The following TNR variants were observed in gnomAD, a reference collection of about 807,000 sequenced individuals.
The protein encoded by TNR is tenascin R, also known as tenascin-R.
TNR carries 45 observed loss-of-function variants against 150.4 expected under a neutral mutation model. The ratio of observed to expected loss-of-function variants is 0.30; its 90% CI spans 0.24 to 0.38. The LOEUF (loss-of-function observed/expected upper bound fraction) is 0.38. TNR is among the 10% of genes least tolerant of loss of function. The pLI, the probability that TNR is intolerant of heterozygous loss-of-function variation, is 1.00. For synonymous variants in TNR, 687 were observed against 678.4 expected (o/e 1.01, Z -0.20); for missense variants, 1,544 against 1,759.1 (o/e 0.88, Z 2.19).
rs1162851460 is a variant in TNR at position 175,341,517 on chromosome 1, A to G, written c.3383-3838T>C. 2.6e-5 allele frequency among the ~76,000 whole-genome samples: 4 copies of G among 152,284 alleles called. No homozygotes were observed. In the East Asian group the frequency reaches 7.7e-4, roughly 29 times the overall value. ...TGCTCTGAAATTGGTTTGTTTTGGG[A>G]AGTGGAGGCTGAATGCTGAGTGGAG... On this transcript the variant is annotated intron_variant, in intron 18 of 22. Transcript: ENST00000367674.
intron 18 of TNR, among the ~76,000 whole-genome samples, chr1:175,348,265 C>A (rs1650893387): frequency 6.6e-6 from 1 of 152,052 alleles, no homozygotes; most frequent in Non-Finnish European, 1.5e-5. Flanking sequence ...ATGATTTGAA[C>A]AAAGGAAGAT....
chr1:175,712,040 A>G (rs755506912), intron 1 of TNR, among the ~76,000 whole-genome samples: 7 of 152,128 alleles, frequency 4.6e-5, no homozygotes, highest in Non-Finnish European at 8.8e-5. Context: ...CTCTATAATA[A>G]CAATAATAAA....
At chr1:175,586,360 T>TA (rs1375727731) in intron 1 of TNR, among the ~76,000 whole-genome samples, 1 of 152,172 alleles carries the variant, frequency 6.6e-6, no homozygotes, top group Non-Finnish European at 1.5e-5. Context: ...CAACTTTCCT[T>TA]ATACTTTTTT....
chr1:175,506,229 T>C (rs1424131568), intron 2 of TNR, among the ~76,000 whole-genome samples: 2 of 152,240 alleles, frequency 1.3e-5, no homozygotes, highest in African/African-American at 2.4e-5. Context: ...CAAAACACTT[T>C]TAAAAAGGTG....
At chr1:175,660,486 T>C (rs1320320409) in intron 1 of TNR, among the ~76,000 whole-genome samples, 1 of 152,236 alleles carries the variant, frequency 6.6e-6, no homozygotes, top group African/African-American at 2.4e-5. Context: ...TCCTCTCATC[T>C]TTCTGTGTGC....
intron 2 of TNR, among the ~76,000 whole-genome samples, chr1:175,498,810 T>A (rs114907233): frequency 0.015 from 2,236 of 152,328 alleles, 34 homozygotes; most frequent in Middle Eastern, 0.037. Context: ...GCTGCTTATC[T>A]GGTATGGTCA....
chr1:175,664,809 G>A (rs1421780183), intron 1 of TNR, among the ~76,000 whole-genome samples: 1 of 152,186 alleles, frequency 6.6e-6, no homozygotes, highest in Non-Finnish European at 1.5e-5. Flanking sequence ...AAAAATCAAA[G>A]GCAGAAGAGG....
Position 175,359,633 on chromosome 1 carries a change from T to G in TNR, c.2953A>C (p.Ile985Leu). The G allele has an allele frequency of 6.2e-7, 1 of 1,613,674 alleles. No homozygotes were observed. Among genetic ancestry groups the G allele is most frequent in the Non-Finnish European group, 8.5e-7 (1 of 1,179,802 alleles). The change falls in exon 15 of 23, where the codon ATT (isoleucine) becomes CTT (leucine). Residue 985 changes from isoleucine (I) to leucine (L), a missense_variant. Transcript: ENST00000367674. The part of the protein sequence containing the change: ...APVGEVENYV[I>L]VLTHFAVAGE... ...CCACCTGCAAAGTGTGTAAGAACAA[T>G]GACGTAGTTCTCCACCTCACCCACT...
chr1:175,475,231 A>C (rs1657494900), intron 2 of TNR, among the ~76,000 whole-genome samples: 1 of 152,022 alleles, frequency 6.6e-6, no homozygotes, highest in Non-Finnish European at 1.5e-5. Flanking sequence ...CATATCTTTC[A>C]TCTGGTCTCC....
At chr1:175,514,714 G>A (rs1236053616) in intron 2 of TNR, among the ~76,000 whole-genome samples, 1 of 152,216 alleles carries the variant, frequency 6.6e-6, no homozygotes, top group Non-Finnish European at 1.5e-5. Context: ...TTGATTTTAA[G>A]TTAAGTGAGC....
chr1:175,445,304 A>G (rs1176960324), intron 2 of TNR, among the ~76,000 whole-genome samples: 1 of 152,188 alleles, frequency 6.6e-6, no homozygotes, highest in Non-Finnish European at 1.5e-5. Flanking sequence ...AGCCTGAGAC[A>G]GAGCTGGGGA....
chr1:175,428,909 C>T (rs1230053459), intron 2 of TNR, among the ~76,000 whole-genome samples: 4 of 150,184 alleles, frequency 2.7e-5, no homozygotes, highest in African/African-American at 5.0e-5. Context: ...CTGCTTTCCC[C>T]ATTTAGGGAC....
intron 2 of TNR, among the ~76,000 whole-genome samples, chr1:175,470,073 T>G (rs982944837): frequency 6.6e-6 from 1 of 151,982 alleles, no homozygotes; most frequent in Non-Finnish European, 1.5e-5. Flanking sequence ...AAAGAAACTG[T>G]GAGGAGTAAA....
chr1:175,362,575 G>A, intron 14 of TNR, 88 bp downstream of exon 14: 1 of 1,519,834 alleles, frequency 6.6e-7, no homozygotes, highest in Non-Finnish European at 8.9e-7. Context: ...TGGAGCCTTA[G>A]CCTCCAGAAC....
intron 1 of TNR, among the ~76,000 whole-genome samples, chr1:175,590,321 TTA>T (rs1444643106): frequency 1.3e-5 from 2 of 152,218 alleles, no homozygotes; most frequent in Non-Finnish European, 2.9e-5. Flanking sequence ...GATATTTCAT[TTA>T]TCATAGATTT....
intron 1 of TNR, among the ~76,000 whole-genome samples, chr1:175,701,046 C>G (rs1666680364): frequency 6.6e-6 from 1 of 152,222 alleles, no homozygotes; most frequent in Admixed American, 6.5e-5. Context: ...CACTCCACGC[C>G]CCTCCACAAG....
intron 1 of TNR, among the ~76,000 whole-genome samples, chr1:175,605,746 G>A (rs1480926540): frequency 1.3e-5 from 2 of 151,376 alleles, no homozygotes; most frequent in Admixed American, 1.3e-4. Flanking sequence ...TCCTTATGCT[G>A]ATAAATCTTT....
intron 1 of TNR, among the ~76,000 whole-genome samples, chr1:175,566,021 T>G (rs1008372469): frequency 1.3e-5 from 2 of 152,108 alleles, no homozygotes; most frequent in South Asian, 4.1e-4. Flanking sequence ...GACAATCAGA[T>G]CCTGGTTGAT....
chr1:175,364,147 A>G (rs1651728637), intron 12 of TNR, among the ~76,000 whole-genome samples: 2 of 151,068 alleles, frequency 1.3e-5, no homozygotes, highest in Admixed American at 6.6e-5. Flanking sequence ...TGGGAGAAAC[A>G]TAGGCATTTT....
Sources: allele counts gnomAD v4.1 joint callset (sites outside exome capture counted in the v4.1 genomes callset), GRCh38; gene constraint gnomAD v4.1.1; transcripts MANE v1.5; gene names NCBI Gene and HGNC (gene_info 2026-07-23, HGNC 2026-07-21).